Variants in ST7L observed in about 807,000 individuals in gnomAD.
ST7L encodes suppression of tumorigenicity 7 like, also known as suppressor of tumorigenicity 7 protein-like.
Under a neutral mutation model 72.5 loss-of-function variants are expected in ST7L, and 57 were observed. That is an observed-to-expected ratio of 0.79 (90% CI 0.64 to 0.98). ST7L has a LOEUF of 0.98. Ranked by LOEUF, ST7L falls within the 50% of genes least tolerant of loss-of-function variation. The pLI is 0.00. For missense variants in ST7L, 576 were observed against 672.2 expected (o/e 0.86, Z 1.58); for synonymous variants, 221 against 240.9 (o/e 0.92, Z 0.77).
At chr1:112,577,159 A>G (rs1423788900) in intron 10 of ST7L, 71 bp from the exon 11 acceptor site, 2 of 957,620 alleles carry the variant, frequency 2.1e-6, no homozygotes, top group East Asian at 5.7e-5. Flanking sequence ...TTTAGATAAT[A>G]ATACAGCCCC....
intron 7 of ST7L, among the ~76,000 whole-genome samples, chr1:112,583,206 T>C (rs760151764): frequency 2.0e-5 from 3 of 152,082 alleles, no homozygotes; most frequent in Admixed American, 1.3e-4. Flanking sequence ...AATTTACACA[T>C]AAAAAAAGAT....
chr1:112,564,883 G>A (rs930248036), intron 11 of ST7L, among the ~76,000 whole-genome samples: 6 of 150,350 alleles, frequency 4.0e-5, no homozygotes, highest in East Asian at 3.9e-4. Context: ...AACATTCTAC[G>A]GGCTTCCATT....
chr1:112,541,940 A>C lies in ST7L; in HGVS notation c.1629+11T>G. The C allele has an allele frequency of 2.5e-6, 4 of 1,612,916 alleles. No individual in the cohort carries two copies. The highest frequency in any genetic ancestry group is 3.4e-6 in the Non-Finnish European group (4 of 1,179,650). On this transcript the variant is annotated intron_variant, in intron 14 of 14. Transcript: ENST00000358039. The stretch of plus-strand genomic sequence containing the variant: ...CAAATAATCTACACAAGTCCTTGAG[A>C]TCATACTTACAGCTTTAGCAAAAAT...
intron 3 of ST7L, chr1:112,607,429 A>T (rs1355508799): frequency 6.6e-6 from 1 of 152,102 alleles, no homozygotes; most frequent in African/African-American, 2.4e-5. Context: ...GCGAAAACCC[A>T]TCTCTACTAA....
chr1:112,549,225 T>C (rs1657684584), intron 13 of ST7L, among the ~76,000 whole-genome samples: 1 of 152,030 alleles, frequency 6.6e-6, no homozygotes. Context: ...AAACCCTGTT[T>C]CTACCAAAAA....
chr1:112,605,644 C>G (rs1374041030), intron 3 of ST7L, among the ~76,000 whole-genome samples: 1 of 150,414 alleles, frequency 6.6e-6, no homozygotes, highest in African/African-American at 2.5e-5. Flanking sequence ...GAGTCGAGAT[C>G]ACGCCACTGC....
In ST7L at chr1:112,555,903, C is replaced by A; in HGVS notation, c.1361G>T (p.Gly454Val). ...FHLQHWKRIE[G>V]ALNLLQCTWE... is the part of the protein sequence containing the mutation. ...TGTACACTGTAACAGATTAAGAGCACCTTCTATTCGTTTCCAGTGCTGAAG... is the reference window on the plus strand; with the variant it reads ...TGTACACTGTAACAGATTAAGAGCAACTTCTATTCGTTTCCAGTGCTGAAG... The change falls in exon 12 of 15, where the codon GGT (glycine) becomes GTT (valine). Residue 454 changes from glycine (G) to valine (V), a missense_variant. By Grantham distance (109) the Gly-to-Val change is moderately radical. Coordinates refer to ENST00000358039, the MANE Select transcript of ST7L (RefSeq NM_017744.5). The A allele has an allele frequency of 6.2e-7, 1 of 1,610,538 alleles. No individual in the cohort carries two copies. Among genetic ancestry groups the A allele is most frequent in the Non-Finnish European group, 8.5e-7 (1 of 1,178,112 alleles).
At chr1:112,545,776 T>C (rs1490099209) in intron 13 of ST7L, among the ~76,000 whole-genome samples, 1 of 152,220 alleles carries the variant, frequency 6.6e-6, no homozygotes, top group East Asian at 1.9e-4. Flanking sequence ...GACATTTCTG[T>C]GCATCCATGG....
the ST7L span, chr1:112,517,928 G>C: frequency 6.4e-6 from 1 of 155,608 alleles, no homozygotes; most frequent in Admixed American, 6.2e-5. Context: ...TCTTATCAGA[G>C]AGTAGTAGGT....
At chr1:112,601,706 G>C (rs551694036) in intron 3 of ST7L, among the ~76,000 whole-genome samples, 32 of 152,278 alleles carry the variant, frequency 2.1e-4, no homozygotes, top group Admixed American at 3.9e-4. Context: ...CAGAGGAAGT[G>C]TCATAAAACC....
At chr1:112,605,852 C>T (rs1271279783) in intron 3 of ST7L, among the ~76,000 whole-genome samples, 1 of 152,230 alleles carries the variant, frequency 6.6e-6, no homozygotes, top group Non-Finnish European at 1.5e-5. Context: ...AAGGCAGCCT[C>T]ACCCTTTGAA....
chr1:112,602,749 T>A (rs1247057327), intron 3 of ST7L, among the ~76,000 whole-genome samples: 1 of 145,150 alleles, frequency 6.9e-6, no homozygotes, highest in African/African-American at 2.6e-5. Context: ...GGAGTCTCTC[T>A]CTGTCGCCCA....
At chr1:112,545,755 C>T (rs1656938010) in intron 13 of ST7L, among the ~76,000 whole-genome samples, 1 of 152,186 alleles carries the variant, frequency 6.6e-6, no homozygotes, top group African/African-American at 2.4e-5. Context: ...CATTCTGCCA[C>T]TCATTGCTTA....
chr1:112,600,435 TAAAA>T, intron 4 of ST7L, among the ~76,000 whole-genome samples: 1 of 147,514 alleles, frequency 6.8e-6, no homozygotes, highest in African/African-American at 2.5e-5. Flanking sequence ...GGCTTTCACT[TAAAA>T]AAAAAAATTA....
At chr1:112,535,867 A>G (rs1655125021) in intron 14 of ST7L, among the ~76,000 whole-genome samples, 1 of 152,240 alleles carries the variant, frequency 6.6e-6, no homozygotes, top group Admixed American at 6.5e-5. Context: ...CAGAAAAACA[A>G]GGATGAAACA....
chr1:112,573,717 C>A (rs1278967565), intron 11 of ST7L, among the ~76,000 whole-genome samples: 1 of 151,650 alleles, frequency 6.6e-6, no homozygotes, highest in Non-Finnish European at 1.5e-5. Flanking sequence ...TAAACAGGGA[C>A]CACTCTTTAA....
At chr1:112,562,927 G>A (rs1660412910) in intron 11 of ST7L, among the ~76,000 whole-genome samples, 1 of 152,026 alleles carries the variant, frequency 6.6e-6, no homozygotes. Context: ...TTCTTTCTAT[G>A]TCTATCTCTA....
At chr1:112,529,689 A>G (rs867549689) in intron 14 of ST7L, 1 of 151,884 alleles carries the variant, frequency 6.6e-6, no homozygotes, top group Admixed American at 6.6e-5. Context: ...AAAAAATTCA[A>G]TATGGAACTT....
chr1:112,568,103 A>G (rs191212773), intron 11 of ST7L, among the ~76,000 whole-genome samples: 1 of 152,164 alleles, frequency 6.6e-6, no homozygotes, highest in South Asian at 2.1e-4. Flanking sequence ...GCTAAGGCAC[A>G]AATTTGAATA....
Sources: gnomAD v4.1 joint callset for allele counts (sites outside exome capture counted in the v4.1 genomes callset) on GRCh38, gnomAD v4.1.1 for gene constraint, MANE v1.5 for transcripts, NCBI Gene and HGNC (gene_info 2026-07-23, HGNC 2026-07-21) for gene names.